NXPH1: variants seen among roughly 807,000 people sequenced by gnomAD.
NXPH1 encodes the protein neurexophilin-1.
NXPH1 carries 5 observed loss-of-function variants against 23.7 expected under a neutral mutation model. That is an observed-to-expected ratio of 0.21 (90% confidence interval 0.11 to 0.44). The LOEUF is 0.44. Among genes scored for constraint, NXPH1 ranks in the 20% least tolerant of loss-of-function variants. NXPH1 has a pLI of 0.99. For missense variants in NXPH1, 324 were observed against 321.6 expected (o/e 1.01, Z -0.06); for synonymous variants, 144 against 122.2 (o/e 1.18, Z -1.18).
At chr7:8,561,011 T>C (rs952656531) in intron 2 of NXPH1, among the ~76,000 whole-genome samples, 14 of 151,566 alleles carry the variant, frequency 9.2e-5, no homozygotes, top group African/African-American at 3.1e-4. Flanking sequence ...ATATTAATGA[T>C]CATAAGTACA....
intron 2 of NXPH1, among the ~76,000 whole-genome samples, chr7:8,733,616 A>G (rs1255466623): frequency 6.6e-6 from 1 of 151,720 alleles, no homozygotes; most frequent in Non-Finnish European, 1.5e-5. Flanking sequence ...TTTAATTTGC[A>G]TTTCTCTAAT....
intron 2 of NXPH1, among the ~76,000 whole-genome samples, chr7:8,509,459 C>A (rs949460761): frequency 2.6e-5 from 4 of 152,078 alleles, no homozygotes; most frequent in East Asian, 1.9e-4. Context: ...CTCTTTATTT[C>A]TTTCTTCTTT....
intron 2 of NXPH1, among the ~76,000 whole-genome samples, chr7:8,595,137 T>C (rs1033307538): frequency 6.6e-6 from 1 of 152,062 alleles, no homozygotes; most frequent in African/African-American, 2.4e-5. Context: ...TATCTGTCTT[T>C]TAAAAATGAC....
chr7:8,568,871 C>A (rs956951594), intron 2 of NXPH1, among the ~76,000 whole-genome samples: 1 of 151,730 alleles, frequency 6.6e-6, no homozygotes, highest in Non-Finnish European at 1.5e-5. Context: ...GATATCTTTG[C>A]ATTTGTAACC....
intron 2 of NXPH1, among the ~76,000 whole-genome samples, chr7:8,471,176 C>T (rs770074247): frequency 6.6e-6 from 1 of 152,128 alleles, no homozygotes; most frequent in African/African-American, 2.4e-5. Context: ...CCGAGTTTAG[C>T]GTCTCAAAAT....
intron 2 of NXPH1, among the ~76,000 whole-genome samples, chr7:8,592,450 T>G (rs1819118679): frequency 6.6e-6 from 1 of 152,090 alleles, no homozygotes; most frequent in African/African-American, 2.4e-5. Flanking sequence ...GGGTAAGTCA[T>G]GCCTTTTGTA....
chr7:8,543,489 G>T (rs1329887485), intron 2 of NXPH1, among the ~76,000 whole-genome samples: 1 of 151,454 alleles, frequency 6.6e-6, no homozygotes, highest in Non-Finnish European at 1.5e-5. Flanking sequence ...TTACTTGGGG[G>T]TGATTGTAAC....
chr7:8,457,197 G>A (rs565413303), intron 2 of NXPH1, among the ~76,000 whole-genome samples: 1 of 152,288 alleles, frequency 6.6e-6, no homozygotes, highest in East Asian at 1.9e-4. Flanking sequence ...TGGTGGCCTT[G>A]AAGAAATTCT....
At chr7:8,668,799 G>T (rs1562448973) in intron 2 of NXPH1, among the ~76,000 whole-genome samples, 1 of 152,122 alleles carries the variant, frequency 6.6e-6, no homozygotes, top group Non-Finnish European at 1.5e-5. Flanking sequence ...TGGGTCCATT[G>T]GGGGCTGGCC....
At chr7:8,661,685 G>C (rs1820676483) in intron 2 of NXPH1, among the ~76,000 whole-genome samples, 1 of 152,072 alleles carries the variant, frequency 6.6e-6, no homozygotes, top group Admixed American at 6.6e-5. Flanking sequence ...TATGACTTTG[G>C]TTCAATTATA....
At chr7:8,445,709 G>T (rs1179534792) in intron 2 of NXPH1, among the ~76,000 whole-genome samples, 1 of 152,206 alleles carries the variant, frequency 6.6e-6, no homozygotes, top group East Asian at 1.9e-4. Flanking sequence ...AAGGTTATAT[G>T]TTTCTATGTA....
intron 2 of NXPH1, among the ~76,000 whole-genome samples, chr7:8,591,544 C>T (rs1312668128): frequency 6.6e-6 from 1 of 152,068 alleles, no homozygotes; most frequent in African/African-American, 2.4e-5. Context: ...AGATTTTCCA[C>T]ATCTCTTCAA....
At chr7:8,606,118 A>G (rs1477462228) in intron 2 of NXPH1, among the ~76,000 whole-genome samples, 2 of 152,156 alleles carry the variant, frequency 1.3e-5, no homozygotes, top group African/African-American at 4.8e-5. Context: ...ATAGTACAAC[A>G]GACAAGTTGA....
intron 2 of NXPH1, among the ~76,000 whole-genome samples, chr7:8,479,024 G>A (rs1386923261): frequency 6.6e-6 from 1 of 152,032 alleles, no homozygotes; most frequent in Non-Finnish European, 1.5e-5. Flanking sequence ...AATAACTATG[G>A]AGATATTGTC....
intron 2 of NXPH1, among the ~76,000 whole-genome samples, chr7:8,461,784 C>T (rs1389152250): frequency 9.8e-5 from 14 of 142,928 alleles, no homozygotes; most frequent in Non-Finnish European, 1.3e-4. Flanking sequence ...GAGCTGAGAT[C>T]GCGCCACTGC....
chr7:8,598,728 C>A (rs1819286842), intron 2 of NXPH1, among the ~76,000 whole-genome samples: 1 of 152,092 alleles, frequency 6.6e-6, no homozygotes, highest in South Asian at 2.1e-4. Context: ...TCATGATCTG[C>A]AGGGGGATGC....
At chr7:8,601,574 T>G (rs1249194011) in intron 2 of NXPH1, among the ~76,000 whole-genome samples, 3 of 152,216 alleles carry the variant, frequency 2.0e-5, no homozygotes, top group Admixed American at 2.0e-4. Flanking sequence ...TTAGTGATGT[T>G]GACCCTTGTC....
chr7:8,524,620 A>G (rs1035561948), intron 2 of NXPH1, among the ~76,000 whole-genome samples: 3 of 152,198 alleles, frequency 2.0e-5, no homozygotes, highest in Admixed American at 2.0e-4. Flanking sequence ...AACTTGAAAT[A>G]TATCTCCCAG....
chr7:8,573,835 G>C (rs7800185), intron 2 of NXPH1, among the ~76,000 whole-genome samples: 61,622 of 151,960 alleles, frequency 0.41, 14,033 homozygotes, highest in African/African-American at 0.63. Flanking sequence ...ATTGGCTCCT[G>C]ATGTTTAAAG....
Sources: gnomAD v4.1 joint callset for allele counts (sites outside exome capture counted in the v4.1 genomes callset) on GRCh38, gnomAD v4.1.1 for gene constraint, MANE v1.5 for transcripts, NCBI Gene and HGNC (gene_info 2026-07-23, HGNC 2026-07-21) for gene names.